RAB3GAP2: variants seen among roughly 807,000 people sequenced by gnomAD.
RAB3GAP2 encodes rab3 GTPase-activating protein non-catalytic subunit.
RAB3GAP2 carries 87 observed loss-of-function variants against 185.3 expected under a neutral mutation model. The ratio of observed to expected loss-of-function variants is 0.47; its 90% CI spans 0.39 to 0.56. The LOEUF is 0.56. RAB3GAP2 is among the 20% of genes least tolerant of loss of function. The pLI is 0.00. For missense variants in RAB3GAP2, 1,492 were observed against 1,638.2 expected, an observed-to-expected ratio of 0.91 and a Z score of 1.54; for synonymous variants, 554 against 576.1, an observed-to-expected ratio of 0.96 and a Z score of 0.55.
chr1:220,187,544 A>G (rs1289258361), intron 17 of RAB3GAP2, among the ~76,000 whole-genome samples: 1 of 152,196 alleles, frequency 6.6e-6, no homozygotes, highest in African/African-American at 2.4e-5. Flanking sequence ...CTGGGGAGCC[A>G]AGAGGAGCTG....
At position 220,196,310 on chromosome 1, in the gene RAB3GAP2, G is replaced by A. The variant is rs779760663; in HGVS notation, c.900C>T (p.Ala300=). The A allele has an allele frequency of 6.2e-7, 1 of 1,612,030 alleles. No homozygotes were observed. Among genetic ancestry groups the A allele is most frequent in the Non-Finnish European group, 8.5e-7 (1 of 1,178,316 alleles). Residue 300 remains alanine, a synonymous_variant, in exon 10 of 35, where the codon GCC becomes GCT. Coordinates refer to ENST00000358951, the MANE Select transcript of RAB3GAP2 (RefSeq NM_012414.4). ...FNAAIKNSPP[A]MSQYITVGSN... ...ACCCTACAGTGATATACTGAGACAT[G>A]GCAGGTGGACTATTTTTAATTGCTG...
chr1:220,214,946 T>TATATATATATATA (rs1659158999), intron 2 of RAB3GAP2, among the ~76,000 whole-genome samples: 3 of 89,626 alleles, frequency 3.3e-5, no homozygotes, highest in East Asian at 9.2e-4. Flanking sequence ...AATAGTAGCA[T>TATATATATATATA]TATATATATA....
intron 32 of RAB3GAP2, chr1:220,153,696 C>T (rs1179920913): frequency 2.4e-6 from 1 of 419,952 alleles, no homozygotes; most frequent in African/African-American, 2.0e-5. Flanking sequence ...TGGTGTGCTG[C>T]ACCCCTTAAG....
intron 2 of RAB3GAP2, among the ~76,000 whole-genome samples, chr1:220,226,994 G>A (rs531826635): frequency 2.6e-5 from 4 of 152,320 alleles, no homozygotes; most frequent in Non-Finnish European, 4.4e-5. Context: ...GCAGTTGTCT[G>A]CAAGCCAGGA....
At chr1:220,171,851 G>C in intron 23 of RAB3GAP2, 38 bp downstream of exon 23, 15 of 1,613,370 alleles carry the variant, frequency 9.3e-6, no homozygotes, top group Non-Finnish European at 1.3e-5. Context: ...TAGCCTACTG[G>C]ATGTGTACAG....
At chr1:220,266,310 C>T (rs1660225343) in intron 1 of RAB3GAP2, 1 of 297,500 alleles carries the variant, frequency 3.4e-6, no homozygotes, top group East Asian at 6.3e-5. Flanking sequence ...TACACACTCA[C>T]TCAGGTACTT....
chr1:220,180,140 GAC>G lies in RAB3GAP2; in HGVS notation c.2310+2115_2310+2116del, dbSNP rs1398715174. 2.6e-5 allele frequency among the ~76,000 whole-genome samples: 4 copies of G among 152,076 alleles called. No individual in the cohort carries two copies. The East Asian group carries it at 7.7e-4, about 29-fold the overall frequency. ...TCGCACCACTGCACTCCAGCCTGGT[GAC>G]AGAGTGAGACTACGTCTCAAAAAAA... On this transcript the variant is annotated intron_variant, in intron 21 of 34. Coordinates refer to ENST00000358951, the MANE Select transcript of RAB3GAP2 (RefSeq NM_012414.4).
chr1:220,244,266 C>A (rs1659756496), intron 1 of RAB3GAP2, among the ~76,000 whole-genome samples: 1 of 152,114 alleles, frequency 6.6e-6, no homozygotes, highest in Non-Finnish European at 1.5e-5. Flanking sequence ...CCAACAATGA[C>A]CAAGCTGAGA....
chr1:220,191,728 G>T (rs1359535599), intron 13 of RAB3GAP2, among the ~76,000 whole-genome samples: 1 of 151,730 alleles, frequency 6.6e-6, no homozygotes, highest in Non-Finnish European at 1.5e-5. Flanking sequence ...TGAGGCAGGA[G>T]AATCAGTTGA....
chr1:220,155,176 C>T (rs185271330), intron 31 of RAB3GAP2, among the ~76,000 whole-genome samples: 52 of 152,314 alleles, frequency 3.4e-4, no homozygotes, highest in Non-Finnish European at 6.2e-4. Flanking sequence ...AGAACATTGG[C>T]CTTTAAGTTG....
chr1:220,266,785 T>C (rs1660234068), intron 1 of RAB3GAP2: 1 of 1,594,274 alleles, frequency 6.3e-7, no homozygotes, highest in Non-Finnish European at 8.6e-7. Context: ...GGTATTCAAG[T>C]ACTTCTCTGA....
chr1:220,193,334 C>T lies in RAB3GAP2; in HGVS notation c.1176G>A (p.Leu392=), dbSNP rs1421993757. The T allele has an allele frequency of 1.2e-6, 2 of 1,613,752 alleles. No homozygotes were observed. Among genetic ancestry groups the T allele is most frequent in the African/African-American group, 2.7e-5 (2 of 74,916 alleles). Residue 392 remains leucine, a synonymous_variant, in exon 13 of 35, where the codon CTG becomes CTA. Transcript: ENST00000358951. ...DSRRHGESIC[L]SPCNTLAAVT... ...CTGCTGCCAGTGTGTTACATGGAGA[C>T]AGACATATGCTTTCACCATGGCGTC...
At chr1:220,186,762 A>AT (rs1437424632) in intron 17 of RAB3GAP2, among the ~76,000 whole-genome samples, 2 of 152,190 alleles carry the variant, frequency 1.3e-5, no homozygotes, top group Non-Finnish European at 2.9e-5. Flanking sequence ...CAGAAGTACC[A>AT]TTAAAAAAAA....
chr1:220,272,135 G>A (rs1401023527), intron 1 of RAB3GAP2, 88 bp downstream of exon 1: 11 of 1,138,136 alleles, frequency 9.7e-6, no homozygotes, highest in Admixed American at 2.0e-5. Context: ...GCAGAGGCAG[G>A]AGGCGCAGAG....
chr1:220,198,873 A>T (rs1658783491), intron 9 of RAB3GAP2, among the ~76,000 whole-genome samples: 1 of 152,172 alleles, frequency 6.6e-6, no homozygotes, highest in Non-Finnish European at 1.5e-5. Flanking sequence ...GGCCTAGTAG[A>T]GTGACTAATG....
chr1:220,154,029 G>A lies in RAB3GAP2; in HGVS notation c.3584C>T (p.Thr1195Ile). The part of the protein sequence containing the change: ...KGKNAFFKDL[T>I]SIQLLPSGEM... ...CCCACTAGGTAATAACTGAATTGAA[G>A]TTAGGTCTTTGAAAAATGCATTTTT... Residue 1195 changes from threonine (T) to isoleucine (I), a missense_variant, in exon 32 of 35, where the codon ACT (threonine) becomes ATT (isoleucine). Thr to Ile is a moderately conservative substitution (Grantham distance 89). Coordinates refer to ENST00000358951, the MANE Select transcript of RAB3GAP2 (RefSeq NM_012414.4). 3 of 1,612,206 alleles carry A rather than the reference G, an allele frequency of 1.9e-6. No individual in the cohort carries two copies. Among genetic ancestry groups the A allele is most frequent in the Non-Finnish European group, 2.5e-6 (3 of 1,178,836 alleles).
intron 1 of RAB3GAP2, chr1:220,254,180 G>T: frequency 6.2e-7 from 1 of 1,613,452 alleles, no homozygotes; most frequent in African/African-American, 1.3e-5. Flanking sequence ...AAGAAATCTC[G>T]TGGAAACACA....
chr1:220,184,604 T>A (rs529654571), intron 18 of RAB3GAP2, among the ~76,000 whole-genome samples: 63 of 152,230 alleles, frequency 4.1e-4, no homozygotes, highest in African/African-American at 1.5e-3. Flanking sequence ...ATTGTTCAAG[T>A]TCTTATAGCC....
At position 220,184,045 on chromosome 1, in the gene RAB3GAP2, G is replaced by A; in HGVS notation, c.1989C>T (p.Phe663=). ...NSLDFHLDTP[F]SDNDLALLLR... ...ATGTGGGATTACTCACATTATCAGA[G>A]AATGGTGTGTCTAAATGAAAATCAA... The change falls in exon 19 of 35, where the codon TTC becomes TTT. Residue 663 remains phenylalanine (F), a synonymous_variant. Transcript: ENST00000358951. The A allele has an allele frequency of 2.5e-6, 4 of 1,569,826 alleles. No homozygotes were observed. Among genetic ancestry groups the A allele is most frequent in the Non-Finnish European group, 2.6e-6 (3 of 1,142,608 alleles).
Sources: allele counts gnomAD v4.1 joint callset (sites outside exome capture counted in the v4.1 genomes callset), GRCh38; gene constraint gnomAD v4.1.1; transcripts MANE v1.5; gene names NCBI Gene and HGNC (gene_info 2026-07-23, HGNC 2026-07-21).